The following TMEM164 variants were observed in gnomAD, a reference collection of about 807,000 sequenced individuals.
The protein encoded by TMEM164 is RP13-360B22.2.
In TMEM164, 4 loss-of-function variants were observed where a neutral mutation model predicts 18.8. The ratio of observed to expected loss-of-function variants is 0.21; its 90% CI spans 0.10 to 0.49. The LOEUF (loss-of-function observed/expected upper bound fraction) is 0.49. Ranked by LOEUF, TMEM164 falls within the 20% of genes least tolerant of loss-of-function variation. The pLI, the probability that TMEM164 is intolerant of heterozygous loss-of-function variation, is 0.98. For missense variants in TMEM164, 108 were observed against 239.9 expected (o/e 0.45, Z 3.63); for synonymous variants, 86 against 101.7 (o/e 0.85, Z 0.93).
intron 2 of TMEM164, among the ~76,000 whole-genome samples, chrX:110,030,111 T>G (rs766728715): frequency 0.021 from 1,180 of 55,887 alleles, 69 homozygotes; most frequent in African/African-American, 0.085. Context: ...TCTGTCTGTT[T>G]TTTTTTTTTT....
intron 3 of TMEM164, among the ~76,000 whole-genome samples, chrX:110,108,753 G>A (rs1482218630): frequency 1.8e-5 from 2 of 111,993 alleles, no homozygotes; most frequent in Non-Finnish European, 3.8e-5. Context: ...TGCCGCCCAA[G>A]CTGTAGCAGT....
intron 2 of TMEM164, among the ~76,000 whole-genome samples, chrX:110,051,424 T>A (rs1259616064): frequency 9.0e-6 from 1 of 111,016 alleles, no homozygotes; most frequent in Non-Finnish European, 1.9e-5. Flanking sequence ...ACAACTTGGT[T>A]CTGGCTGTTT....
chrX:110,063,842 T>G (rs1350744464), intron 2 of TMEM164, among the ~76,000 whole-genome samples: 1 of 111,285 alleles, frequency 9.0e-6, no homozygotes, highest in Non-Finnish European at 1.9e-5. Context: ...AGAGTAGATC[T>G]TATGAGCTGG....
intron 4 of TMEM164, among the ~76,000 whole-genome samples, chrX:110,133,480 CAT>C (rs2066641904): frequency 1.8e-5 from 2 of 112,064 alleles, no homozygotes; most frequent in Non-Finnish European, 3.8e-5. Context: ...GGACACTGGT[CAT>C]ATTGGATTAG....
rs138532876 is a variant in TMEM164 at position 110,100,894 on chromosome X, T to C, written c.441-8186T>C. ...GTGAGCCACCGTGCCTGGCCAAGTA[T>C]TATTCTTTCTATACTGCTACTTTAG... On this transcript the variant is annotated intron_variant, in intron 3 of 6. Transcript: ENST00000372068. 7.2e-5 allele frequency among the ~76,000 whole-genome samples: 8 copies of C among 111,311 alleles called. No individual in the cohort carries two copies. The Admixed American group carries it at 7.6e-4, about 11-fold the overall frequency.
intron 2 of TMEM164, among the ~76,000 whole-genome samples, chrX:110,053,435 A>G (rs1191982266): frequency 8.9e-6 from 1 of 111,994 alleles, no homozygotes; most frequent in Admixed American, 9.4e-5. Flanking sequence ...TATGCCTTAG[A>G]AGCACTGCAA....
intron 2 of TMEM164, among the ~76,000 whole-genome samples, chrX:110,007,625 T>C (rs1224111772): frequency 8.9e-6 from 1 of 112,333 alleles, no homozygotes; most frequent in Non-Finnish European, 1.9e-5. Context: ...ACAGTGGGAA[T>C]CTGGCTTAGC....
At chrX:110,025,071 T>C (rs1230532291) in intron 2 of TMEM164, among the ~76,000 whole-genome samples, 5 of 110,349 alleles carry the variant, frequency 4.5e-5, no homozygotes, top group Non-Finnish European at 9.5e-5. Flanking sequence ...GGTTTGTATA[T>C]CAGCTTGCAT....
At position 110,113,774 on chromosome X, in the gene TMEM164, G is replaced by A. The variant is rs1000705022; in HGVS notation, c.507+4628G>A. 2.7e-5 allele frequency among the ~76,000 whole-genome samples: 3 copies of A among 111,594 alleles called. No individual in the cohort carries two copies. The Middle Eastern group carries it at 0.014, about 517-fold the overall frequency. On this transcript the variant is annotated intron_variant, in intron 4 of 6. Coordinates refer to ENST00000372068, the MANE Select transcript of TMEM164 (RefSeq NM_032227.4). ...TGCAAATCAGCTAGAGAATGCCTAGGCTTCAGTTTCTCTGGGTTCTCCATC... is the reference window on the plus strand; with the variant it reads ...TGCAAATCAGCTAGAGAATGCCTAGACTTCAGTTTCTCTGGGTTCTCCATC...
In TMEM164 at chrX:110,057,950, C is replaced by T. The variant is rs187137553; in HGVS notation, c.391-9397C>T. ...TATAGCTTTTTAGGTTGATGTAGTCCTAATTGTTTTTGTTTGTTTGTTTTT... is the reference window on the plus strand; with the variant it reads ...TATAGCTTTTTAGGTTGATGTAGTCTTAATTGTTTTTGTTTGTTTGTTTTT... On this transcript the variant is annotated intron_variant, in intron 2 of 6. Coordinates refer to ENST00000372068, the MANE Select transcript of TMEM164 (RefSeq NM_032227.4). 3.8e-3 allele frequency among the ~76,000 whole-genome samples: 428 copies of T among 111,538 alleles called. 1 individual carries two copies. Among genetic ancestry groups the T allele is most frequent in the South Asian group, 0.037 (101 of 2,733 alleles).
chrX:110,135,112 C>T (rs920105373), intron 4 of TMEM164, among the ~76,000 whole-genome samples: 36 of 110,984 alleles, frequency 3.2e-4, no homozygotes, highest in Non-Finnish European at 6.2e-4. Flanking sequence ...TCTTCCCTTT[C>T]CTATCCCAGT....
At chrX:110,104,716 A>G (rs2066160976) in intron 3 of TMEM164, among the ~76,000 whole-genome samples, 1 of 111,979 alleles carries the variant, frequency 8.9e-6, no homozygotes, top group African/African-American at 3.2e-5. Flanking sequence ...TCTTCTCTGT[A>G]AGAATACAAT....
At chrX:110,058,714 TCTC>T (rs1488301531) in intron 2 of TMEM164, among the ~76,000 whole-genome samples, 4 of 104,860 alleles carry the variant, frequency 3.8e-5, no homozygotes, top group African/African-American at 1.4e-4. Context: ...TTCAAGCACT[TCTC>T]CTGCCTCAGC....
intron 2 of TMEM164, among the ~76,000 whole-genome samples, chrX:110,018,588 C>T (rs759840529): frequency 7.1e-5 from 8 of 112,186 alleles, no homozygotes; most frequent in African/African-American, 1.3e-4. Flanking sequence ...TTGAGGTCTT[C>T]CAAGTTCATT....
intron 2 of TMEM164, among the ~76,000 whole-genome samples, chrX:110,012,874 C>T (rs1933087564): frequency 8.9e-6 from 1 of 111,857 alleles, no homozygotes; most frequent in Admixed American, 9.4e-5. Context: ...TTTTGGTTCC[C>T]GTCTAGTAGC....
intron 3 of TMEM164, among the ~76,000 whole-genome samples, chrX:110,106,710 T>G (rs1316425814): frequency 9.0e-6 from 1 of 111,715 alleles, no homozygotes; most frequent in East Asian, 2.8e-4. Flanking sequence ...TGATGTGATT[T>G]TTTTTTCCCT....
intron 2 of TMEM164, among the ~76,000 whole-genome samples, chrX:110,046,838 T>C (rs1175419422): frequency 8.9e-6 from 1 of 112,123 alleles, no homozygotes. Context: ...ATATCCACAA[T>C]AGCATTTCTC....
chrX:110,180,388 C>T (rs1374990083), downstream of TMEM164, among the ~76,000 whole-genome samples: 1 of 112,406 alleles, frequency 8.9e-6, no homozygotes, highest in Non-Finnish European at 1.9e-5. Flanking sequence ...GTCAGCCTGA[C>T]AAATGCAATG....
At chrX:110,094,951 T>C (rs1296300341) in intron 3 of TMEM164, among the ~76,000 whole-genome samples, 4 of 111,750 alleles carry the variant, frequency 3.6e-5, no homozygotes, top group Non-Finnish European at 7.5e-5. Flanking sequence ...TTAGTTTGGC[T>C]GGATATGAAA....
Sources: gnomAD v4.1 joint callset for allele counts (sites outside exome capture counted in the v4.1 genomes callset) on GRCh38, gnomAD v4.1.1 for gene constraint, MANE v1.5 for transcripts, NCBI Gene and HGNC (gene_info 2026-07-23, HGNC 2026-07-21) for gene names.